Variants in ACAD8 observed in about 807,000 individuals in gnomAD.
The protein encoded by ACAD8 is acyl-CoA dehydrogenase family member 8.
Under a neutral mutation model 53.1 loss-of-function variants are expected in ACAD8, and 47 were observed. The observed-to-expected ratio is 0.89, with a 90% confidence interval of 0.70 to 1.13. The LOEUF (loss-of-function observed/expected upper bound fraction) is 1.13. ACAD8 is among the 50% of genes most tolerant of loss of function. The pLI is 0.00. For synonymous variants in ACAD8, 198 were observed against 201.3 expected, an observed-to-expected ratio of 0.98 and a Z score of 0.14; for missense variants, 494 against 535.0, an observed-to-expected ratio of 0.92 and a Z score of 0.76.
At chr11:134,264,852 A>C in intron 10 of ACAD8, 56 bp from the exon 11 acceptor site, 1 of 1,512,908 alleles carries the variant, frequency 6.6e-7, no homozygotes, top group South Asian at 1.1e-5. Flanking sequence ...TCAGAGCTTT[A>C]CTAAACTCTC....
At position 134,253,618 on chromosome 11, in the gene ACAD8, C is replaced by T. The variant is rs745817515; in HGVS notation, c.18C>T (p.Cys6=). MLWSG[C]RRFGARLGCL... is the part of the protein sequence containing the mutation. ...CGGCGGCTATGCTGTGGAGCGGCTG[C>T]CGGCGTTTCGGGGCGCGCCTCGGCT... Residue 6 remains cysteine, a synonymous_variant, in exon 1 of 11, where the codon TGC becomes TGT. Coordinates refer to ENST00000281182, the MANE Select transcript of ACAD8 (RefSeq NM_014384.3). 10 of 1,581,140 alleles carry T rather than the reference C, an allele frequency of 6.3e-6. No individual in the cohort carries two copies. In the East Asian group the frequency reaches 2.1e-4, roughly 33 times the overall value.
chr11:134,254,930 TC>T (rs1271454905), intron 1 of ACAD8, among the ~76,000 whole-genome samples: 1 of 152,264 alleles, frequency 6.6e-6, no homozygotes, highest in Non-Finnish European at 1.5e-5. Flanking sequence ...ATACTGTATT[TC>T]CTTCTGGGAA....
intron 10 of ACAD8, chr11:134,263,614 C>A: frequency 1.0e-6 from 1 of 985,452 alleles, no homozygotes; most frequent in Non-Finnish European, 1.2e-6. Context: ...TGGGCTCAGT[C>A]GCCAGTGTTC....
Position 134,261,218 on chromosome 11 carries a change from G to A in ACAD8, c.841+39G>A, listed in dbSNP as rs763133668. ...GGGTGTGGCAGGGAGGTAGCGGTCCGGGACAGGCACTGCTGTTTTCCAGCT... is the reference window on the plus strand; with the variant it reads ...GGGTGTGGCAGGGAGGTAGCGGTCCAGGACAGGCACTGCTGTTTTCCAGCT... On this transcript the variant is annotated intron_variant, in intron 7 of 10. Coordinates refer to ENST00000281182, the MANE Select transcript of ACAD8 (RefSeq NM_014384.3). This position sits in a 1 kb window ranked among gnomAD's most constrained non-coding sequence, Gnocchi z 4.2. 19 of 1,613,884 alleles carry A rather than the reference G, an allele frequency of 1.2e-5. No individual in the cohort carries two copies. Among genetic ancestry groups the A allele is most frequent in the African/African-American group, 4.0e-5 (3 of 74,906 alleles).
chr11:134,257,041 C>T, intron 2 of ACAD8, 47 bp from the exon 3 acceptor site: 1 of 1,608,530 alleles, frequency 6.2e-7, no homozygotes, highest in Non-Finnish European at 8.5e-7. Flanking sequence ...AAAAGGAAGG[C>T]CGTCTCTGAA....
rs376407410 is a variant in ACAD8, at chr11:134,261,395, A to G, written c.939+23A>G. On this transcript the variant is annotated intron_variant, in intron 8 of 10. Coordinates refer to ENST00000281182, the MANE Select transcript of ACAD8 (RefSeq NM_014384.3). The surrounding 1 kb of genome is among the most constrained non-coding windows in gnomAD (Gnocchi z 4.2). ...CAGGTAACCTCTGCCTTGCCTCCAC[A>G]TGGCTTTGCACTATTTGCAGCCCGG... 3.8e-5 allele frequency: 61 copies of G among 1,611,910 alleles called. No individual in the cohort carries two copies. Among genetic ancestry groups the G allele is most frequent in the Non-Finnish European group, 4.8e-5 (56 of 1,178,196 alleles).
At position 134,261,097 on chromosome 11, in the gene ACAD8, C is replaced by A; in HGVS notation, c.759C>A (p.Val253=). The change falls in exon 7 of 11, where the codon GTC becomes GTA. Residue 253 remains valine (V), a synonymous_variant. Transcript: ENST00000281182. The surrounding 1 kb of genome is among the most constrained non-coding windows in gnomAD (Gnocchi z 4.2). ...CTGTGATCTTCGAAGACTGTGCTGT[C>A]CCTGTGGCCAACAGAATTGGGAGCG... The part of the protein sequence containing the change: ...TRAVIFEDCA[V]PVANRIGSEG... 1 of 1,612,260 alleles carries A rather than the reference C, an allele frequency of 6.2e-7. No homozygotes were observed. The highest frequency in any genetic ancestry group is 8.5e-7 in the Non-Finnish European group (1 of 1,179,294).
intron 1 of ACAD8, among the ~76,000 whole-genome samples, chr11:134,254,797 T>C (rs1481901162): frequency 1.3e-5 from 2 of 152,246 alleles, no homozygotes; most frequent in African/African-American, 2.4e-5. Flanking sequence ...TTTTTCTATT[T>C]AGCTTTACCT....
chr11:134,256,847 A>G, intron 2 of ACAD8, 199 bp downstream of exon 2: 2 of 667,880 alleles, frequency 3.0e-6, no homozygotes, highest in Middle Eastern at 8.0e-4. Context: ...TGTTAGTTGA[A>G]TAAAGATTTG....
At chr11:134,258,406 G>A (rs908338967) in intron 3 of ACAD8, 109 bp from the exon 4 acceptor site, 2 of 758,956 alleles carry the variant, frequency 2.6e-6, no homozygotes, top group African/African-American at 3.4e-5. Flanking sequence ...CCACTCTTCT[G>A]CTTTACTCCA....
At chr11:134,263,816 A>G (rs1438340673) in intron 10 of ACAD8, 1 of 985,256 alleles carries the variant, frequency 1.0e-6, no homozygotes, top group Non-Finnish European at 1.2e-6. Context: ...TCACTGTATC[A>G]CTTTGTTTCA....
chr11:134,260,310 G>T, intron 6 of ACAD8: 1 of 557,464 alleles, frequency 1.8e-6, no homozygotes, highest in Non-Finnish European at 2.4e-6. Flanking sequence ...TTGGTAATAA[G>T]GGCTCAAGAC....
chr11:134,257,844 C>G (rs574707238), intron 3 of ACAD8: 178 of 162,780 alleles, frequency 1.1e-3, no homozygotes, highest in African/African-American at 4.2e-3. Context: ...GTCCTCTCAC[C>G]CTTTTATTTA....
chr11:134,253,838 C>T, intron 1 of ACAD8, 129 bp downstream of exon 1: 4 of 1,020,888 alleles, frequency 3.9e-6, no homozygotes, highest in Non-Finnish European at 5.9e-6. Flanking sequence ...CCAGTCACCC[C>T]CCCGGCCTGG....
rs121908421 is a variant in ACAD8, at chr11:134,261,300, C to T, written c.867C>T (p.His289=). The T allele has an allele frequency of 1.2e-5, 19 of 1,614,072 alleles. No individual in the cohort carries two copies. Among genetic ancestry groups the T allele is most frequent in the East Asian group, 2.2e-5 (1 of 44,876 alleles). The change falls in exon 8 of 11, where the codon CAC becomes CAT. Residue 289 remains histidine (H), a synonymous_variant. Transcript: ENST00000281182. The surrounding 1 kb of genome is among the most constrained non-coding windows in gnomAD (Gnocchi z 4.2). ...CTTCCTGCTCCCTGGGGGCTGCCCA[C>T]GCCTCTGTCATCCTCACCCGAGACC... ...NIASCSLGAA[H]ASVILTRDHL... is the part of the protein sequence containing the mutation.
chr11:134,263,551 C>T, intron 10 of ACAD8: 34 of 985,480 alleles, frequency 3.5e-5, no homozygotes, highest in Non-Finnish European at 4.1e-5. Flanking sequence ...CACAGGCTAC[C>T]ACAGGTTAGA....
In ACAD8 at chr11:134,256,553, A is replaced by G. The variant is rs1939538328; in HGVS notation, c.115A>G (p.Met39Val). ...RSLTSCIDPS[M>V]GLNEEQKEFQ... ...ATATGCAATCCTGCCCACAGCTTCCATGGGACTTAATGAAGAGCAGAAAGA... is the reference window on the plus strand; with the variant it reads ...ATATGCAATCCTGCCCACAGCTTCCGTGGGACTTAATGAAGAGCAGAAAGA... The change falls in exon 2 of 11, where the codon ATG becomes GTG. Residue 39 changes from methionine to valine, a missense_variant. Physicochemically the swap from Met to Val is conservative, Grantham distance 21 (BLOSUM62 1). Coordinates refer to ENST00000281182, the MANE Select transcript of ACAD8 (RefSeq NM_014384.3). 1.9e-6 allele frequency: 3 copies of G among 1,613,854 alleles called. No individual in the cohort carries two copies. Among genetic ancestry groups the G allele is most frequent in the South Asian group, 1.1e-5 (1 of 91,074 alleles).
intron 6 of ACAD8, chr11:134,260,199 C>G: frequency 1.8e-6 from 2 of 1,109,900 alleles, no homozygotes; most frequent in Non-Finnish European, 2.2e-6. Context: ...CCAAGAAGGA[C>G]ACTTAGGTAC....
At chr11:134,255,346 A>G (rs1269478430) in intron 1 of ACAD8, among the ~76,000 whole-genome samples, 1 of 152,170 alleles carries the variant, frequency 6.6e-6, no homozygotes, top group Non-Finnish European at 1.5e-5. Context: ...ATGTTGGACA[A>G]GCTGGACTTG....
Sources: allele counts gnomAD v4.1 joint callset (sites outside exome capture counted in the v4.1 genomes callset), GRCh38; gene constraint gnomAD v4.1.1; non-coding constraint Gnocchi (gnomAD v3.1); transcripts MANE v1.5; gene names NCBI Gene and HGNC (gene_info 2026-07-23, HGNC 2026-07-21).